The following SEMA5A variants were observed in gnomAD, a reference collection of about 807,000 sequenced individuals.
The protein encoded by SEMA5A is semaphorin 5A.
Under a neutral mutation model 135.5 loss-of-function variants are expected in SEMA5A, and 55 were observed. The observed-to-expected ratio is 0.41, with a 90% CI of 0.33 to 0.51. The LOEUF (loss-of-function observed/expected upper bound fraction) is 0.51. Among genes scored for constraint, SEMA5A ranks in the 20% least tolerant of loss-of-function variants. The probability of loss-of-function intolerance (pLI) is 0.37; values close to 1 mark genes in which losing one functional copy is unlikely to be tolerated. For missense variants in SEMA5A, 1,290 were observed against 1,419.9 expected (o/e 0.91, Z 1.47); for synonymous variants, 580 against 546.5 (o/e 1.06, Z -0.85).
At chr5:9,095,191 A>G (rs1478787445) in intron 16 of SEMA5A, among the ~76,000 whole-genome samples, 1 of 152,192 alleles carries the variant, frequency 6.6e-6, no homozygotes, top group Non-Finnish European at 1.5e-5. Context: ...GTGAGAGTTG[A>G]ACAGTGAGAA....
chr5:9,283,544 A>G (rs997751008), intron 5 of SEMA5A, among the ~76,000 whole-genome samples: 2 of 152,222 alleles, frequency 1.3e-5, no homozygotes, highest in African/African-American at 4.8e-5. Context: ...TCAACTGATT[A>G]GGGTTCTTAA....
At chr5:9,265,961 T>G (rs1749664842) in intron 5 of SEMA5A, among the ~76,000 whole-genome samples, 1 of 152,206 alleles carries the variant, frequency 6.6e-6, no homozygotes, top group Admixed American at 6.5e-5. Flanking sequence ...CATTTCAACA[T>G]TCCTTGCCCC....
At chr5:9,309,580 G>A (rs951562641) in intron 5 of SEMA5A, among the ~76,000 whole-genome samples, 3 of 152,052 alleles carry the variant, frequency 2.0e-5, no homozygotes, top group Middle Eastern at 6.3e-3. Flanking sequence ...GATTGAAGAC[G>A]GGATACCATA....
In SEMA5A at chr5:9,223,368, T is replaced by G. The variant is rs548420182; in HGVS notation, c.646+1306A>C. On this transcript the variant is annotated intron_variant, in intron 8 of 22. Coordinates refer to ENST00000382496, the MANE Select transcript of SEMA5A (RefSeq NM_003966.3). ...ATATATGTACACGTATCCATGGTTT[T>G]GCATATATGATGAGTCTAAAGCAGT... Among the ~76,000 whole-genome samples the G allele has an allele frequency of 4.6e-5, 7 of 152,334 alleles. No individual in the cohort carries two copies. The South Asian group carries it at 1.5e-3, about 32-fold the overall frequency.
At chr5:9,519,190 T>G (rs1736683372) in intron 1 of SEMA5A, among the ~76,000 whole-genome samples, 1 of 152,232 alleles carries the variant, frequency 6.6e-6, no homozygotes, top group Non-Finnish European at 1.5e-5. Flanking sequence ...AATGCCAATA[T>G]CATTTGCAGA....
intron 2 of SEMA5A, among the ~76,000 whole-genome samples, chr5:9,430,453 A>G (rs760365905): frequency 7.9e-5 from 12 of 152,188 alleles, no homozygotes; most frequent in Non-Finnish European, 1.8e-4. Context: ...AGATTTCTAA[A>G]TGGTGAGAAT....
rs1482882613 is a variant in SEMA5A at position 9,154,063 on chromosome 5, ATATATAT to A, written c.1481+418_1481+424del. Among the ~76,000 whole-genome samples, 92 of 75,516 alleles carry A rather than the reference ATATATAT, an allele frequency of 1.2e-3. 2 individuals are homozygous for A. Among genetic ancestry groups the A allele is most frequent in the Middle Eastern group, 9.1e-3 (1 of 110 alleles). The allele number at this position is 75,516 out of a possible 152,430, so 49.5% of individuals were successfully genotyped here. On this transcript the variant is annotated intron_variant, in intron 12 of 22. Transcript: ENST00000382496. ...TGTGTCTCAAAAAAAAAAAAAAAAA[ATATATAT>A]ATATATATATATATATATATATATG...
At chr5:9,330,673 C>G (rs1245257043) in intron 4 of SEMA5A, among the ~76,000 whole-genome samples, 4 of 152,040 alleles carry the variant, frequency 2.6e-5, no homozygotes. Context: ...AACAAGGAGA[C>G]TTTTTAACAT....
intron 16 of SEMA5A, among the ~76,000 whole-genome samples, chr5:9,101,997 A>G (rs2150143495): frequency 6.6e-6 from 1 of 152,326 alleles, no homozygotes; most frequent in Non-Finnish European, 1.5e-5. Flanking sequence ...AACCAAATAA[A>G]CAAAAATAAG....
At chr5:9,122,184 A>G (rs1740847593) in intron 14 of SEMA5A, among the ~76,000 whole-genome samples, 1 of 152,182 alleles carries the variant, frequency 6.6e-6, no homozygotes, top group Non-Finnish European at 1.5e-5. Flanking sequence ...TCAATAGGTT[A>G]TCTTATTTAA....
At chr5:9,201,069 T>C (rs1393785514) in intron 9 of SEMA5A, among the ~76,000 whole-genome samples, 1 of 152,228 alleles carries the variant, frequency 6.6e-6, no homozygotes, top group African/African-American at 2.4e-5. Flanking sequence ...CAGCTTTTGC[T>C]TAAAGTCTTA....
intron 5 of SEMA5A, among the ~76,000 whole-genome samples, chr5:9,257,592 T>C (rs1423894960): frequency 7.3e-6 from 1 of 137,482 alleles, no homozygotes; most frequent in Non-Finnish European, 1.7e-5. Flanking sequence ...GATTCTATTT[T>C]GCTCTAAAAA....
intron 5 of SEMA5A, among the ~76,000 whole-genome samples, chr5:9,268,394 G>C (rs1749790628): frequency 6.6e-6 from 1 of 152,156 alleles, no homozygotes; most frequent in Admixed American, 6.5e-5. Flanking sequence ...TGAACAAACA[G>C]TGATAAGACC....
Position 9,188,757 on chromosome 5 carries a change from A to G in SEMA5A, c.1273+1510T>C, listed in dbSNP as rs1744938670. Among the ~76,000 whole-genome samples, 4 of 97,854 alleles carry G rather than the reference A, an allele frequency of 4.1e-5. No homozygotes were observed. In the South Asian group the frequency reaches 1.5e-3, roughly 36 times the overall value. The allele number at this position is 97,854 out of a possible 152,430, so 64.2% of individuals were successfully genotyped here. A position where few individuals can be genotyped will look rare whatever the true frequency, so the allele number is the denominator to read the frequency against. ...GGAAAATTAAGGAAATACATGACAG[A>G]ATAAAGAGAAACAATCCTTCCTTTC... is the stretch of plus-strand genomic sequence containing the variant. On this transcript the variant is annotated intron_variant, in intron 11 of 22. Transcript: ENST00000382496.
At chr5:9,379,405 T>C (rs1244981859) in intron 3 of SEMA5A, among the ~76,000 whole-genome samples, 1 of 152,208 alleles carries the variant, frequency 6.6e-6, no homozygotes, top group Admixed American at 6.5e-5. Context: ...TGCCATGCAA[T>C]GCTAGATAGA....
chr5:9,537,958 A>ATGGAAAGCCACTATG (rs1194408397), intron 1 of SEMA5A, among the ~76,000 whole-genome samples: 1 of 152,224 alleles, frequency 6.6e-6, no homozygotes, highest in African/African-American at 2.4e-5. Context: ...AAACACTCCC[A>ATGGAAAGCCACTATG]TGGAAAGCCA....
chr5:9,191,403 G>T (rs1030353285), intron 10 of SEMA5A, among the ~76,000 whole-genome samples: 2 of 152,182 alleles, frequency 1.3e-5, no homozygotes, highest in Admixed American at 6.5e-5. Context: ...GCCAAGCTCA[G>T]AATCAGAAAC....
At chr5:9,112,917 G>C (rs1740317906) in intron 15 of SEMA5A, among the ~76,000 whole-genome samples, 2 of 152,220 alleles carry the variant, frequency 1.3e-5, no homozygotes, top group Non-Finnish European at 2.9e-5. Context: ...AAGCAAAAAG[G>C]TGAGAAGGAC....
At chr5:9,418,237 A>G (rs975767270) in intron 2 of SEMA5A, among the ~76,000 whole-genome samples, 7 of 151,946 alleles carry the variant, frequency 4.6e-5, no homozygotes, top group Non-Finnish European at 8.8e-5. Context: ...TGGCCTCCCA[A>G]AGTGCTGGGA....
Sources: allele counts gnomAD v4.1 joint callset (sites outside exome capture counted in the v4.1 genomes callset), GRCh38; gene constraint gnomAD v4.1.1; transcripts MANE v1.5; gene names NCBI Gene and HGNC (gene_info 2026-07-23, HGNC 2026-07-21).